SLFN12L: variants seen among roughly 807,000 people sequenced by gnomAD.
SLFN12L encodes schlafen family member 12 like.
In SLFN12L, 34 loss-of-function variants were observed where a neutral mutation model predicts 34.8. The ratio of observed to expected loss-of-function variants is 0.98; its 90% CI spans 0.74 to 1.30. SLFN12L has a LOEUF of 1.30. Among genes scored for constraint, SLFN12L ranks in the 50% most tolerant of loss-of-function variants. SLFN12L has a pLI of 0.00. For synonymous variants in SLFN12L, 259 were observed against 247.5 expected (o/e 1.05, Z -0.44); for missense variants, 703 against 696.2 (o/e 1.01, Z -0.11).
intron 1 of SLFN12L, among the ~76,000 whole-genome samples, chr17:35,533,025 G>T (rs545498319): frequency 1.3e-5 from 2 of 152,142 alleles, no homozygotes; most frequent in Admixed American, 6.5e-5. Flanking sequence ...ACAATATTAT[G>T]GTGATCAATA....
intron 1 of SLFN12L, among the ~76,000 whole-genome samples, chr17:35,528,107 CA>C (rs2072355949): frequency 6.6e-6 from 1 of 152,074 alleles, no homozygotes; most frequent in South Asian, 2.1e-4. Flanking sequence ...ACAATTGCTA[CA>C]AAGAGAATAA....
intron 2 of SLFN12L, among the ~76,000 whole-genome samples, chr17:35,510,958 A>AT (rs558033935): frequency 2.6e-5 from 4 of 152,072 alleles, no homozygotes; most frequent in African/African-American, 4.8e-5. Context: ...AGATTTTCCT[A>AT]TTTTTTTAAC....
chr17:35,493,523 G>A lies in SLFN12L; in HGVS notation c.87-13328C>T, dbSNP rs938350685. Among the ~76,000 whole-genome samples the A allele has an allele frequency of 4.6e-5, 7 of 152,126 alleles. 1 individual carries two copies. The highest frequency in any genetic ancestry group is 1.4e-4 in the African/African-American group (6 of 41,412). On this transcript the variant is annotated intron_variant, in intron 2 of 4. Transcript: ENST00000628453. ...CGTATTTATTGTTTTAAAAATGAAA[G>A]GAATACTAATAAGTCTTAAAAGTTC...
In SLFN12L at chr17:35,482,169, G is replaced by C. The variant is rs202019648; in HGVS notation, c.87-1974C>G. 7.9e-5 allele frequency among the ~76,000 whole-genome samples: 12 copies of C among 152,310 alleles called. No individual in the cohort carries two copies. The East Asian group carries it at 2.3e-3, about 29-fold the overall frequency. ...GCATGAGCCACAATGCCCAGTCAAGGTAATATTCTTATATACAAAACACCT... is the reference window on the plus strand; with the variant it reads ...GCATGAGCCACAATGCCCAGTCAAGCTAATATTCTTATATACAAAACACCT... On this transcript the variant is annotated intron_variant, in intron 2 of 4. Transcript: ENST00000628453.
rs1197667259 is a variant in SLFN12L at position 35,465,333 on chromosome 17, G to A, written c.*9590C>T. Among the ~76,000 whole-genome samples, 1 of 151,720 alleles carries A rather than the reference G, an allele frequency of 6.6e-6. No homozygotes were observed. The highest frequency in any genetic ancestry group is 1.5e-5 in the Non-Finnish European group (1 of 67,960). ...TATAATTTTAAAAGGTAGCTAAATA[G>A]CTTTTTAAAAATAGCTATGCCTTAT... On this transcript the variant is annotated 3_prime_UTR_variant, in exon 5 of 5. Coordinates refer to ENST00000628453, the MANE Select transcript of SLFN12L (RefSeq NM_001363830.2).
rs1285497355 is a variant in SLFN12L, at chr17:35,530,542, GAAA to G, written c.-606+7028_-606+7030del. On this transcript the variant is annotated intron_variant, in intron 1 of 4. Coordinates refer to ENST00000628453, the MANE Select transcript of SLFN12L (RefSeq NM_001363830.2). Reference sequence around the variant, plus strand: ...GAAAAGAAAAGAAAAGAAAAGAAAAGAAAGAAAGAAAGAAAGAGAAAGGGAGAG... The same window carrying G: ...GAAAAGAAAAGAAAAGAAAAGAAAAGGAAAGAAAGAAAGAGAAAGGGAGAG... 1.4e-3 allele frequency among the ~76,000 whole-genome samples: 15 copies of G among 10,608 alleles called. No individual in the cohort carries two copies. The East Asian group carries it at 0.021, about 15-fold the overall frequency. The allele number at this position is 10,608 out of a possible 152,430, so 7.0% of individuals were successfully genotyped here. A position where few individuals can be genotyped will look rare whatever the true frequency, so the allele number is the denominator to read the frequency against.
At chr17:35,507,634 G>T (rs1353144759) in intron 2 of SLFN12L, among the ~76,000 whole-genome samples, 1 of 152,098 alleles carries the variant, frequency 6.6e-6, no homozygotes, top group Non-Finnish European at 1.5e-5. Flanking sequence ...TTTGATCCTG[G>T]GGCCATGTTT....
At chr17:35,482,905 C>A (rs1472772036) in intron 2 of SLFN12L, among the ~76,000 whole-genome samples, 1 of 152,136 alleles carries the variant, frequency 6.6e-6, no homozygotes, top group Non-Finnish European at 1.5e-5. Context: ...ATGGCACACA[C>A]TTCCTCCCCT....
At chr17:35,509,397 T>C (rs1333994770) in intron 2 of SLFN12L, among the ~76,000 whole-genome samples, 1 of 152,226 alleles carries the variant, frequency 6.6e-6, no homozygotes, top group Non-Finnish European at 1.5e-5. Flanking sequence ...TCTGCCTTTT[T>C]TAAGAATAAA....
At chr17:35,483,675 C>T (rs1914451565) in intron 2 of SLFN12L, among the ~76,000 whole-genome samples, 1 of 152,144 alleles carries the variant, frequency 6.6e-6, no homozygotes, top group Non-Finnish European at 1.5e-5. Context: ...AGCTCTTTTC[C>T]TTTAAAATCT....
At chr17:35,492,468 C>A (rs550200883) in intron 2 of SLFN12L, among the ~76,000 whole-genome samples, 3 of 152,120 alleles carry the variant, frequency 2.0e-5, no homozygotes, top group Non-Finnish European at 2.9e-5. Context: ...AGAGACCTCT[C>A]GGGAGAAAGA....
At chr17:35,535,979 GTTT>G (rs1339726056) in intron 1 of SLFN12L, among the ~76,000 whole-genome samples, 1 of 142,120 alleles carries the variant, frequency 7.0e-6, no homozygotes, top group Non-Finnish European at 1.5e-5. Flanking sequence ...TTGTTTGTTT[GTTT>G]GTTTGTTTGT....
At chr17:35,480,354 C>A (rs1914278716) in intron 2 of SLFN12L, 159 bp from the exon 3 acceptor site, 1 of 505,460 alleles carries the variant, frequency 2.0e-6, no homozygotes, top group Non-Finnish European at 3.4e-6. Flanking sequence ...TGAGCTAAGG[C>A]TGTGATAATT....
intron 2 of SLFN12L, among the ~76,000 whole-genome samples, chr17:35,505,655 C>T (rs1387573224): frequency 1.6e-4 from 25 of 152,116 alleles, no homozygotes; most frequent in Admixed American, 1.6e-3. Flanking sequence ...TATTGGACTC[C>T]GTTTATTCTA....
chr17:35,522,215 A>G (rs1014392912), intron 2 of SLFN12L, 64 bp downstream of exon 2: 31 of 1,593,724 alleles, frequency 1.9e-5, no homozygotes, highest in Non-Finnish European at 2.5e-5. Flanking sequence ...GGACAAGGTG[A>G]CTTAGCAGAG....
At position 35,473,193 on chromosome 17, in the gene SLFN12L, T is replaced by C. The variant is rs914808478; in HGVS notation, c.*1730A>G. The stretch of plus-strand genomic sequence containing the variant: ...CCGGAACTTCCAATACTATGTTGAA[T>C]AGGAGTGGTGAGAGAGGGCATTCTT... On this transcript the variant is annotated 3_prime_UTR_variant, in exon 5 of 5. Transcript: ENST00000628453. Among the ~76,000 whole-genome samples, 1 of 152,208 alleles carries C rather than the reference T, an allele frequency of 6.6e-6. No homozygotes were observed. Among genetic ancestry groups the C allele is most frequent in the Non-Finnish European group, 1.5e-5 (1 of 68,032 alleles).
At chr17:35,535,208 T>A (rs1391888927) in intron 1 of SLFN12L, among the ~76,000 whole-genome samples, 11 of 150,254 alleles carry the variant, frequency 7.3e-5, no homozygotes, top group Non-Finnish European at 1.6e-4. Flanking sequence ...TTTTTTTTTT[T>A]AGATGGAGTT....
chr17:35,535,909 G>A (rs2072456906), intron 1 of SLFN12L, among the ~76,000 whole-genome samples: 1 of 152,244 alleles, frequency 6.6e-6, no homozygotes, highest in Admixed American at 6.5e-5. Context: ...ACCTTCCTCG[G>A]CCTCCCAAAG....
At chr17:35,492,484 C>T (rs776224413) in intron 2 of SLFN12L, among the ~76,000 whole-genome samples, 2 of 152,276 alleles carry the variant, frequency 1.3e-5, no homozygotes, top group Middle Eastern at 3.4e-3. Context: ...AAAGACATCC[C>T]CGTTGTGTGA....
Sources: allele counts gnomAD v4.1 joint callset (sites outside exome capture counted in the v4.1 genomes callset), GRCh38; gene constraint gnomAD v4.1.1; transcripts MANE v1.5; gene names NCBI Gene and HGNC (gene_info 2026-07-23, HGNC 2026-07-21).